The following BCAR3 variants were observed in gnomAD, a reference collection of about 807,000 sequenced individuals.
BCAR3 encodes the protein BCAR3 adaptor protein, NSP family member, also known as breast cancer anti-estrogen resistance protein 3.
BCAR3 carries 37 observed loss-of-function variants against 80.1 expected under a neutral mutation model. The observed-to-expected ratio is 0.46, with a 90% CI of 0.36 to 0.61. The LOEUF is 0.61. BCAR3 is among the 20% of genes least tolerant of loss of function. The probability of loss-of-function intolerance (pLI) is 0.00; values close to 1 mark genes in which losing one functional copy is unlikely to be tolerated. For missense variants in BCAR3, 978 were observed against 1,068.2 expected (o/e 0.92, Z 1.18); for synonymous variants, 389 against 418.9 (o/e 0.93, Z 0.87).
chr1:93,622,613 C>T (rs1250744231), intron 3 of BCAR3, among the ~76,000 whole-genome samples: 1 of 152,166 alleles, frequency 6.6e-6, no homozygotes, highest in Non-Finnish European at 1.5e-5. Flanking sequence ...ACAAGAAGGG[C>T]TAAGGGACCG....
chr1:93,808,654 GT>G (rs1329507960), intron 2 of BCAR3, among the ~76,000 whole-genome samples: 2 of 152,098 alleles, frequency 1.3e-5, no homozygotes, highest in Admixed American at 6.5e-5. Flanking sequence ...GAACTACACA[GT>G]TTTCTAGTTT....
At chr1:93,623,383 T>C (rs1038282199) in intron 3 of BCAR3, among the ~76,000 whole-genome samples, 88 of 152,264 alleles carry the variant, frequency 5.8e-4, no homozygotes, top group South Asian at 2.1e-4. Flanking sequence ...TTTTAATGGA[T>C]GTGTGAGCCA....
At chr1:93,707,433 G>A (rs1282706434) in intron 2 of BCAR3, among the ~76,000 whole-genome samples, 1 of 152,084 alleles carries the variant, frequency 6.6e-6, no homozygotes, top group Non-Finnish European at 1.5e-5. Flanking sequence ...TAATAGGCCG[G>A]GCATGGTGGC....
chr1:93,777,414 T>TCTTCC (rs1557685179), intron 2 of BCAR3, among the ~76,000 whole-genome samples: 1 of 113,164 alleles, frequency 8.8e-6, no homozygotes, highest in East Asian at 2.2e-4. Context: ...CCTCCTCCTC[T>TCTTCC]TCCTCCTCCT....
intron 2 of BCAR3, among the ~76,000 whole-genome samples, chr1:93,828,936 T>C (rs7552293): frequency 0.6 from 91,687 of 152,022 alleles, 28,910 homozygotes; most frequent in East Asian, 0.78. Context: ...AAGTGATCCA[T>C]CCACCTGTGA....
intron 2 of BCAR3, among the ~76,000 whole-genome samples, chr1:93,808,225 AG>A (rs1252541801): frequency 6.6e-6 from 1 of 152,090 alleles, no homozygotes; most frequent in African/African-American, 2.4e-5. Flanking sequence ...GAGCCCCAAC[AG>A]GGCAAATGAA....
chr1:93,631,893 C>T (rs1675630065), intron 3 of BCAR3, among the ~76,000 whole-genome samples: 1 of 152,184 alleles, frequency 6.6e-6, no homozygotes. Flanking sequence ...TCCCTTCTCT[C>T]TGACTTGTGG....
At chr1:93,724,582 C>T (rs1260664751) in intron 2 of BCAR3, among the ~76,000 whole-genome samples, 2 of 152,166 alleles carry the variant, frequency 1.3e-5, no homozygotes, top group South Asian at 4.1e-4. Context: ...GAGCCTGTGT[C>T]TACAGGGATG....
At chr1:93,715,569 G>T (rs945463992) in intron 2 of BCAR3, among the ~76,000 whole-genome samples, 2 of 152,146 alleles carry the variant, frequency 1.3e-5, no homozygotes, top group African/African-American at 4.8e-5. Context: ...GCCTCTTAGG[G>T]TGCCAGAGCT....
intron 2 of BCAR3, among the ~76,000 whole-genome samples, chr1:93,730,090 A>C (rs1312262775): frequency 6.6e-6 from 1 of 152,142 alleles, no homozygotes; most frequent in Non-Finnish European, 1.5e-5. Flanking sequence ...CCCAGGAAGC[A>C]GTTTTCTTTC....
At chr1:93,806,275 T>A (rs1342858936) in intron 2 of BCAR3, among the ~76,000 whole-genome samples, 1 of 152,200 alleles carries the variant, frequency 6.6e-6, no homozygotes, top group Non-Finnish European at 1.5e-5. Flanking sequence ...ACACAAAGTA[T>A]GAGACTCAAA....
chr1:93,592,172 C>T lies in BCAR3; in HGVS notation c.486+93G>A, dbSNP rs1013063004. The T allele has an allele frequency of 3.1e-5, 48 of 1,543,072 alleles. 1 individual carries two copies. Among genetic ancestry groups the T allele is most frequent in the South Asian group, 1.2e-4 (10 of 85,372 alleles). ...TTTTTGGTTACACAGGTGCTTCCGC[C>T]CATGTGGCCTCGGAGTGGGACCCTG... is the stretch of plus-strand genomic sequence containing the variant. On this transcript the variant is annotated intron_variant, in intron 4 of 11. Coordinates refer to ENST00000260502, the MANE Select transcript of BCAR3 (RefSeq NM_003567.4). The surrounding 1 kb of genome is among the most constrained non-coding windows in gnomAD (Gnocchi z 4.8).
intron 9 of BCAR3, chr1:93,568,128 A>G (rs964867823): frequency 9.8e-5 from 32 of 325,250 alleles, no homozygotes; most frequent in Admixed American, 3.4e-4. Flanking sequence ...GGAGGTTGCA[A>G]TGAGCCAAGA....
chr1:93,598,911 T>C (rs1256383981), intron 3 of BCAR3: 1 of 152,360 alleles, frequency 6.6e-6, no homozygotes, highest in Non-Finnish European at 1.5e-5. Context: ...CTTTTGTCTT[T>C]TGAAGCCAAA....
At chr1:93,572,243 G>A (rs950928378) in intron 8 of BCAR3, among the ~76,000 whole-genome samples, 11 of 152,160 alleles carry the variant, frequency 7.2e-5, no homozygotes, top group Non-Finnish European at 4.4e-5. Context: ...GGGAATCCCA[G>A]GGCCACCTCC....
intron 2 of BCAR3, among the ~76,000 whole-genome samples, chr1:93,782,687 C>A (rs1652804470): frequency 6.6e-6 from 1 of 152,182 alleles, no homozygotes; most frequent in South Asian, 2.1e-4. Flanking sequence ...GTCTTGCCAG[C>A]TGGAAAAGAT....
intron 2 of BCAR3, among the ~76,000 whole-genome samples, chr1:93,649,438 T>C (rs549816123): frequency 1.3e-5 from 2 of 152,216 alleles, no homozygotes; most frequent in African/African-American, 2.4e-5. Flanking sequence ...TCCCAAGAGC[T>C]TGAGGTTTAG....
intron 2 of BCAR3, among the ~76,000 whole-genome samples, chr1:93,815,999 T>C (rs1195811714): frequency 6.6e-6 from 1 of 152,192 alleles, no homozygotes; most frequent in Non-Finnish European, 1.5e-5. Context: ...GAATGGAACA[T>C]TCACAAACAT....
chr1:93,829,529 G>A (rs1411115588), intron 2 of BCAR3, among the ~76,000 whole-genome samples: 1 of 149,582 alleles, frequency 6.7e-6, no homozygotes, highest in Non-Finnish European at 1.5e-5. Flanking sequence ...TTTTATTAAA[G>A]GAAAATTCCA....
Sources: gnomAD v4.1 joint callset for allele counts (sites outside exome capture counted in the v4.1 genomes callset) on GRCh38, gnomAD v4.1.1 for gene constraint, Gnocchi (gnomAD v3.1) non-coding constraint, MANE v1.5 for transcripts, NCBI Gene and HGNC (gene_info 2026-07-23, HGNC 2026-07-21) for gene names.